The following CRYBG3 variants were observed in gnomAD, a reference collection of about 807,000 sequenced individuals.
CRYBG3 encodes the protein very large A-kinase anchor protein.
A neutral mutation model predicts 244.2 loss-of-function variants in CRYBG3; 127 were observed. That is an observed-to-expected ratio of 0.52 (90% CI 0.45 to 0.60). CRYBG3 has a LOEUF of 0.60. Ranked by LOEUF, CRYBG3 falls within the 20% of genes least tolerant of loss-of-function variation. The probability of loss-of-function intolerance (pLI) is 0.00; values close to 1 mark genes in which losing one functional copy is unlikely to be tolerated. For synonymous variants in CRYBG3, 1,132 were observed against 1,195.8 expected (o/e 0.95, Z 1.10); for missense variants, 3,325 against 3,442.5 (o/e 0.97, Z 0.85).
intron 16 of CRYBG3, among the ~76,000 whole-genome samples, chr3:97,912,668 C>T (rs1559741972): frequency 2.6e-5 from 4 of 152,074 alleles, no homozygotes; most frequent in African/African-American, 9.7e-5. Flanking sequence ...TTTATCATCC[C>T]CATTTCACAG....
At position 97,898,889 on chromosome 3, in the gene CRYBG3, A is replaced by G; in HGVS notation, c.7708A>G (p.Ile2570Val). The change falls in exon 13 of 22, where the codon ATA becomes GTA. Residue 2570 changes from isoleucine (I) to valine (V), a missense_variant. By Grantham distance (29) the Ile-to-Val change is conservative (BLOSUM62 3). Around this residue, in one of 4 missense-constraint regions of CRYBG3, gnomAD observed 714 missense variants for 803.6 expected, o/e 0.89. Transcript: ENST00000389622. Reference protein sequence around the residue: ...LSFRYLQANFIESSVTLFESD... With the variant: ...LSFRYLQANFVESSVTLFESD... ...TTCCTCTTTCTCCTTTTAGAATTTT[A>G]TAGAATCTTCTGTCACACTATTTGA... is the stretch of plus-strand genomic sequence containing the variant. 2 of 1,584,514 alleles carry G rather than the reference A, an allele frequency of 1.3e-6. No homozygotes were observed. Among genetic ancestry groups the G allele is most frequent in the Non-Finnish European group, 1.7e-6 (2 of 1,166,420 alleles).
In CRYBG3 at chr3:97,879,689, C is replaced by A. The variant is rs1323646531; in HGVS notation, c.6844-15C>A. The stretch of plus-strand genomic sequence containing the variant: ...ATGTTTCTTAAAGCTTACTTTTCCA[C>A]TTTTATTATTTCAGAATGTTGACAA... On this transcript the variant is annotated splice_polypyrimidine_tract_variant and intron_variant, in intron 4 of 21. Transcript: ENST00000389622. 1.3e-6 allele frequency: 2 copies of A among 1,587,484 alleles called. No individual in the cohort carries two copies. The highest frequency in any genetic ancestry group is 1.7e-6 in the Non-Finnish European group (2 of 1,164,288).
chr3:97,874,603 T>C lies in CRYBG3; in HGVS notation c.3409T>C (p.Ser1137Pro), dbSNP rs1321656446. ...EHFGIYTGKISIDFPTAAQFD... is the reference protein window; with the variant it reads ...EHFGIYTGKIPIDFPTAAQFD... ...TTTTGGGATTTATACTGGGAAGATATCCATTGATTTCCCAACTGCTGCCCA... is the reference window on the plus strand; with the variant it reads ...TTTTGGGATTTATACTGGGAAGATACCCATTGATTTCCCAACTGCTGCCCA... Residue 1137 changes from serine (S) to proline (P), a missense_variant, in exon 4 of 22, where the codon TCC becomes CCC. This residue lies in a region of CRYBG3 where 1,526 missense variants were observed against 1,443.2 expected (regional missense o/e 1.06). Coordinates refer to ENST00000389622, the MANE Select transcript of CRYBG3 (RefSeq NM_153605.4). 3 of 1,535,886 alleles carry C rather than the reference T, an allele frequency of 2.0e-6. No individual in the cohort carries two copies. Among genetic ancestry groups the C allele is most frequent in the Non-Finnish European group, 1.7e-6 (2 of 1,146,846 alleles).
intron 10 of CRYBG3, among the ~76,000 whole-genome samples, chr3:97,891,944 A>G (rs772750617): frequency 5.9e-5 from 9 of 152,192 alleles, no homozygotes; most frequent in Non-Finnish European, 1.0e-4. Context: ...ACCAACAAGC[A>G]AAATGCCTTG....
chr3:97,943,993 G>C lies in CRYBG3; in HGVS notation c.*679G>C, dbSNP rs2040293131. The C allele has an allele frequency of 6.6e-6, 1 of 151,698 alleles. No individual in the cohort carries two copies. The highest frequency in any genetic ancestry group is 1.5e-5 in the Non-Finnish European group (1 of 67,872). 9.4% of individuals were successfully genotyped at this position (151,698 alleles called of 1,614,324 possible). A position where few individuals can be genotyped will look rare whatever the true frequency, so the allele number is the denominator to read the frequency against. ...AAAAAGTACAAATAAATAACCTATG[G>C]CCAAACTTGCACTGTTACGTGTTAA... On this transcript the variant is annotated 3_prime_UTR_variant, in exon 22 of 22. Coordinates refer to ENST00000389622, the MANE Select transcript of CRYBG3 (RefSeq NM_153605.4).
chr3:97,933,368 T>G (rs2040119583), intron 17 of CRYBG3: 1 of 377,814 alleles, frequency 2.6e-6, no homozygotes. Context: ...CTAAAAGCAT[T>G]GGCAGGACTA....
intron 2 of CRYBG3, among the ~76,000 whole-genome samples, chr3:97,860,684 C>T (rs1215672572): frequency 3.3e-5 from 5 of 152,126 alleles, no homozygotes; most frequent in Admixed American, 6.5e-5. Context: ...TTCTTGACTC[C>T]TGTCTGCCTT....
Position 97,942,375 on chromosome 3 carries a change from A to C in CRYBG3, c.8756A>C (p.Lys2919Thr). 6.2e-7 allele frequency: 1 copy of C among 1,612,046 alleles called. No individual in the cohort carries two copies. The highest frequency in any genetic ancestry group is 8.5e-7 in the Non-Finnish European group (1 of 1,178,644). Residue 2919 changes from lysine to threonine, a missense_variant, in exon 21 of 22, where the codon AAG becomes ACG. This residue lies in a region of CRYBG3 where 714 missense variants were observed against 803.6 expected (regional missense o/e 0.89). Transcript: ENST00000389622. ...LWTEHGQFRQ[K>T]WRLNKNGTIS... ...ACTGAACATGGGCAATTCAGGCAGA[A>C]GTGGAGACTGAATAAAAATGGAACT...
intron 15 of CRYBG3, among the ~76,000 whole-genome samples, chr3:97,904,000 G>A (rs79209752): frequency 2.0e-5 from 3 of 152,034 alleles, no homozygotes; most frequent in Non-Finnish European, 4.4e-5. Flanking sequence ...AATTTGCCTC[G>A]GTTTTAAGCA....
chr3:97,886,590 A>C (rs1559733229), intron 7 of CRYBG3, 41 bp from the exon 8 acceptor site: 3 of 1,555,692 alleles, frequency 1.9e-6, no homozygotes, highest in Non-Finnish European at 2.6e-6. Context: ...GGACTGTGTG[A>C]CTCTAGTTGA....
intron 1 of CRYBG3, among the ~76,000 whole-genome samples, chr3:97,840,491 T>C (rs1424970368): frequency 6.6e-6 from 1 of 152,140 alleles, no homozygotes; most frequent in Non-Finnish European, 1.5e-5. Flanking sequence ...GTTTGCTCAG[T>C]ACTTAATGTG....
At position 97,872,431 on chromosome 3, in the gene CRYBG3, A is replaced by C; in HGVS notation, c.1237A>C (p.Thr413Pro). 1 of 1,535,948 alleles carries C rather than the reference A, an allele frequency of 6.5e-7. No homozygotes were observed. The highest frequency in any genetic ancestry group is 8.7e-7 in the Non-Finnish European group (1 of 1,146,800). The change falls in exon 4 of 22, where the codon ACT (threonine) becomes CCT (proline). Residue 413 changes from threonine to proline, a missense_variant. Thr to Pro is a conservative substitution (Grantham distance 38). Coordinates refer to ENST00000389622, the MANE Select transcript of CRYBG3 (RefSeq NM_153605.4). The part of the protein sequence containing the change: ...TTENTIKENS[T>P]VMSNRTLVQR... The stretch of plus-strand genomic sequence containing the variant: ...AGAAAATACGATAAAAGAAAACAGC[A>C]CTGTGATGAGTAATAGGACATTGGT...
chr3:97,858,010 A>T (rs2039090711), intron 2 of CRYBG3, among the ~76,000 whole-genome samples: 1 of 152,018 alleles, frequency 6.6e-6, no homozygotes, highest in Non-Finnish European at 1.5e-5. Context: ...TTATGATAGT[A>T]GATAATGTTT....
chr3:97,943,450 C>T lies in CRYBG3; in HGVS notation c.*136C>T, dbSNP rs1187117088. On this transcript the variant is annotated 3_prime_UTR_variant, in exon 22 of 22. Transcript: ENST00000389622. ...TGAGCAGAATGAACATTTTCTCCAGCCTCTGAGACTATCGCTCTTAACCAT... is the reference window on the plus strand; with the variant it reads ...TGAGCAGAATGAACATTTTCTCCAGTCTCTGAGACTATCGCTCTTAACCAT... 3.2e-6 allele frequency: 2 copies of T among 629,576 alleles called. No individual in the cohort carries two copies. Among genetic ancestry groups the T allele is most frequent in the Non-Finnish European group, 5.6e-6 (2 of 359,492 alleles). 39.0% of individuals were successfully genotyped at this position (629,576 alleles called of 1,614,324 possible).
Position 97,822,296 on chromosome 3 carries a change from G to C in CRYBG3, c.90G>C (p.Glu30Asp), listed in dbSNP as rs1226760623. Residue 30 changes from glutamate (E) to aspartate (D), a missense_variant, in exon 1 of 22, where the codon GAG becomes GAC. Transcript: ENST00000389622. ...APRSPSRDKEEEEEERPGTSP... is the reference protein window; with the variant it reads ...APRSPSRDKEDEEEERPGTSP... ...GAAGTCCTTCCCGGGACAAGGAAGA[G>C]GAAGAGGAGGAGAGGCCGGGGACGA... The C allele has an allele frequency of 1.3e-6, 2 of 1,528,242 alleles. No individual in the cohort carries two copies. Among genetic ancestry groups the C allele is most frequent in the South Asian group, 2.4e-5 (2 of 83,008 alleles). 94.7% of individuals were successfully genotyped at this position (1,528,242 alleles called of 1,614,324 possible).
intron 2 of CRYBG3, among the ~76,000 whole-genome samples, chr3:97,856,067 A>G (rs1041473949): frequency 1.1e-4 from 16 of 152,226 alleles, no homozygotes; most frequent in Admixed American, 9.2e-4. Flanking sequence ...TTTCACCCCT[A>G]CAGCCTCGAC....
chr3:97,872,364 C>T lies in CRYBG3; in HGVS notation c.1170C>T (p.Arg390=). 2 of 1,535,912 alleles carry T rather than the reference C, an allele frequency of 1.3e-6. No homozygotes were observed. The highest frequency in any genetic ancestry group is 2.4e-5 in the South Asian group (2 of 84,050). Residue 390 remains arginine (R), a synonymous_variant, in exon 4 of 22, where the codon CGC becomes CGT. Coordinates refer to ENST00000389622, the MANE Select transcript of CRYBG3 (RefSeq NM_153605.4). ...CSALLTGSNH[R]KVPCSPDFQR... The stretch of plus-strand genomic sequence containing the variant: ...CATTGTTAACAGGAAGTAACCATCG[C>T]AAAGTCCCTTGCAGCCCAGATTTTC...
In CRYBG3 at chr3:97,877,586, C is replaced by T. The variant is rs754254171; in HGVS notation, c.6392C>T (p.Ser2131Leu). The change falls in exon 4 of 22, where the codon TCA becomes TTA. Residue 2131 changes from serine to leucine, a missense_variant. By Grantham distance (145) the Ser-to-Leu change is moderately radical. Transcript: ENST00000389622. ...GTTTTATCCCTTCTCCAGTCAGTGT[C>T]AGAACGTTTAAAGATGAATTTTGAT... ...SSVLSLLQSVSERLKMNFDED... is the reference protein window; with the variant it reads ...SSVLSLLQSVLERLKMNFDED... 1.2e-6 allele frequency: 2 copies of T among 1,613,988 alleles called. No homozygotes were observed.
At chr3:97,845,056 C>G (rs1385099539) in intron 2 of CRYBG3, among the ~76,000 whole-genome samples, 1 of 152,192 alleles carries the variant, frequency 6.6e-6, no homozygotes, top group Admixed American at 6.5e-5. Flanking sequence ...AGGATTTCTT[C>G]AACCTAGCCG....
Sources: allele counts gnomAD v4.1 joint callset (sites outside exome capture counted in the v4.1 genomes callset), GRCh38; gene constraint gnomAD v4.1.1; regional missense constraint gnomAD v4.1.1; transcripts MANE v1.5; gene names NCBI Gene and HGNC (gene_info 2026-07-23, HGNC 2026-07-21).